BCKDHB: variants seen among roughly 807,000 people sequenced by gnomAD.
The protein encoded by BCKDHB is branched chain keto acid dehydrogenase E1 subunit beta.
Under a neutral mutation model 48.5 loss-of-function variants are expected in BCKDHB, and 41 were observed. The observed-to-expected ratio is 0.85, with a 90% confidence interval of 0.66 to 1.10. The LOEUF is 1.10. Ranked by LOEUF, BCKDHB falls within the 50% of genes least tolerant of loss-of-function variation. The probability of loss-of-function intolerance (pLI) is 0.00; values close to 1 mark genes in which losing one functional copy is unlikely to be tolerated. For synonymous variants in BCKDHB, 201 were observed against 174.8 expected, an observed-to-expected ratio of 1.15 and a Z score of -1.18; for missense variants, 496 against 494.2, an observed-to-expected ratio of 1.00 and a Z score of -0.03.
chr6:80,293,373 C>T (rs984845717), intron 9 of BCKDHB, among the ~76,000 whole-genome samples: 25 of 152,216 alleles, frequency 1.6e-4, no homozygotes, highest in African/African-American at 5.1e-4. Flanking sequence ...GCTGCCATGG[C>T]TTGAGGCTTG....
Position 80,344,003 on chromosome 6 carries a change from TTG to T in BCKDHB, c.*201_*202del. 5 of 471,972 alleles carry T rather than the reference TTG, an allele frequency of 1.1e-5. No individual in the cohort carries two copies. The highest frequency in any genetic ancestry group is 4.8e-4 in the Middle Eastern group (1 of 2,082). 29.2% of individuals were successfully genotyped at this position (471,972 alleles called of 1,614,324 possible). A position where few individuals can be genotyped will look rare whatever the true frequency, so the allele number is the denominator to read the frequency against. ...TTATAGTAGTATATTTACATTTTTG[TTG>T]TTGTTGTTGTTCTGAGATGGAGTCT... On this transcript the variant is annotated 3_prime_UTR_variant, in exon 10 of 10. Transcript: ENST00000320393.
the BCKDHB span, among the ~76,000 whole-genome samples, chr6:80,455,812 C>T: frequency 1.3e-5 from 2 of 152,142 alleles, no homozygotes; most frequent in Admixed American, 6.6e-5. Flanking sequence ...TTGTCTTTCA[C>T]ACCCCAAACA....
At chr6:80,232,679 A>C (rs1049328253) in intron 8 of BCKDHB, among the ~76,000 whole-genome samples, 1 of 21,496 alleles carries the variant, frequency 4.7e-5, no homozygotes, top group Middle Eastern at 0.045. Context: ...TATAAATATA[A>C]ATATAAATGT....
At chr6:80,296,454 C>T (rs1767254363) in intron 9 of BCKDHB, among the ~76,000 whole-genome samples, 1 of 152,122 alleles carries the variant, frequency 6.6e-6, no homozygotes, top group Admixed American at 6.5e-5. Flanking sequence ...ACATATGAAA[C>T]ATATTTATAC....
At chr6:80,142,166 C>T (rs1038366463) in intron 3 of BCKDHB, among the ~76,000 whole-genome samples, 2 of 151,714 alleles carry the variant, frequency 1.3e-5, no homozygotes, top group African/African-American at 2.4e-5. Context: ...CTTCCCATTT[C>T]AACCATAGAT....
intron 6 of BCKDHB, among the ~76,000 whole-genome samples, chr6:80,175,255 A>G (rs1222003741): frequency 6.6e-6 from 1 of 152,220 alleles, no homozygotes; most frequent in African/African-American, 2.4e-5. Context: ...AATAACTTGA[A>G]GATTGCACAC....
chr6:80,142,667 T>C (rs1582222949), intron 3 of BCKDHB, among the ~76,000 whole-genome samples: 1 of 152,104 alleles, frequency 6.6e-6, no homozygotes, highest in African/African-American at 2.4e-5. Context: ...TTGGCTGTGT[T>C]GGGGGAGGAG....
chr6:80,246,822 C>T (rs752823229), intron 8 of BCKDHB, among the ~76,000 whole-genome samples: 28 of 152,226 alleles, frequency 1.8e-4, no homozygotes, highest in Non-Finnish European at 3.1e-4. Flanking sequence ...CATGCTGACA[C>T]ACACTTGTAC....
chr6:80,202,065 C>A (rs1316763291), intron 7 of BCKDHB, among the ~76,000 whole-genome samples: 2 of 151,912 alleles, frequency 1.3e-5, no homozygotes, highest in African/African-American at 4.8e-5. Context: ...ATCCTTCTGT[C>A]CACTTTTTGA....
intron 6 of BCKDHB, among the ~76,000 whole-genome samples, chr6:80,188,145 G>T (rs962113681): frequency 7.9e-5 from 12 of 152,048 alleles, no homozygotes; most frequent in African/African-American, 2.4e-4. Context: ...AACTCTACAG[G>T]CATAAAAAAG....
At chr6:80,440,816 A>G in the BCKDHB span, 2 of 152,034 alleles carry the variant, frequency 1.3e-5, no homozygotes, top group Non-Finnish European at 1.5e-5. Context: ...TTCAATCCCA[A>G]TCTTTCTTTA....
chr6:80,384,345 CTTCTT>C, the BCKDHB span, among the ~76,000 whole-genome samples: 76 of 15,176 alleles, frequency 5.0e-3, no homozygotes, highest in East Asian at 0.06. Flanking sequence ...TCTTCTTCTT[CTTCTT>C]TTTTTTTTTT....
At chr6:80,237,667 A>C (rs953302737) in intron 8 of BCKDHB, among the ~76,000 whole-genome samples, 1 of 152,188 alleles carries the variant, frequency 6.6e-6, no homozygotes, top group African/African-American at 2.4e-5. Context: ...GTTCACATTA[A>C]CCAGTAAGTT....
chr6:80,182,915 G>A (rs939168904), intron 6 of BCKDHB, among the ~76,000 whole-genome samples: 2 of 151,962 alleles, frequency 1.3e-5, no homozygotes, highest in African/African-American at 2.4e-5. Flanking sequence ...CATAGGCTTA[G>A]CTGGTTTTTA....
intron 6 of BCKDHB, among the ~76,000 whole-genome samples, chr6:80,197,009 A>T (rs1774161223): frequency 6.6e-6 from 1 of 152,160 alleles, no homozygotes; most frequent in South Asian, 2.1e-4. Flanking sequence ...TAGTCCTAAG[A>T]TTCTAATGTA....
At chr6:80,268,918 T>C (rs1284115197) in intron 8 of BCKDHB, among the ~76,000 whole-genome samples, 1 of 152,146 alleles carries the variant, frequency 6.6e-6, no homozygotes, top group Non-Finnish European at 1.5e-5. Context: ...ATTTGGAACA[T>C]GCTACTTCAT....
At chr6:80,272,016 G>A (rs535521321) in intron 8 of BCKDHB, among the ~76,000 whole-genome samples, 1 of 152,168 alleles carries the variant, frequency 6.6e-6, no homozygotes, top group African/African-American at 2.4e-5. Context: ...ATTAATCACA[G>A]TCATAGAAAG....
intron 8 of BCKDHB, among the ~76,000 whole-genome samples, chr6:80,253,979 G>A (rs1776944731): frequency 6.6e-6 from 1 of 151,650 alleles, no homozygotes; most frequent in African/African-American, 2.4e-5. Context: ...AATAAATTCT[G>A]TGCTGAAATA....
intron 9 of BCKDHB, among the ~76,000 whole-genome samples, chr6:80,273,701 ATTAT>A (rs767520192): frequency 7.2e-5 from 11 of 152,028 alleles, no homozygotes; most frequent in Non-Finnish European, 1.5e-4. Context: ...AATTTTGAAA[ATTAT>A]TTATTTTAGT....
Sources: gnomAD v4.1 joint callset for allele counts (sites outside exome capture counted in the v4.1 genomes callset) on GRCh38, gnomAD v4.1.1 for gene constraint, MANE v1.5 for transcripts, NCBI Gene and HGNC (gene_info 2026-07-23, HGNC 2026-07-21) for gene names.